Variants in CDH18 observed in about 807,000 individuals in gnomAD.
CDH18 encodes the protein cadherin 18, also known as cadherin-18.
CDH18 carries 31 observed loss-of-function variants against 67.9 expected under a neutral mutation model. That is an observed-to-expected ratio of 0.46 (90% CI 0.34 to 0.62). The LOEUF (loss-of-function observed/expected upper bound fraction) is 0.62. Among genes scored for constraint, CDH18 ranks in the 20% least tolerant of loss-of-function variants. The probability of loss-of-function intolerance (pLI) is 0.01; values close to 1 mark genes in which losing one functional copy is unlikely to be tolerated. For synonymous variants in CDH18, 362 were observed against 347.2 expected (o/e 1.04, Z -0.48); for missense variants, 890 against 975.5 (o/e 0.91, Z 1.17).
intron 2 of CDH18, among the ~76,000 whole-genome samples, chr5:19,894,461 G>A (rs1789090336): frequency 6.6e-6 from 1 of 151,794 alleles, no homozygotes; most frequent in South Asian, 2.1e-4. Context: ...AAGATCATAA[G>A]TCACTAGGAT....
At chr5:20,468,041 G>T (rs1458424216) in intron 1 of CDH18, among the ~76,000 whole-genome samples, 2 of 150,884 alleles carry the variant, frequency 1.3e-5, no homozygotes, top group African/African-American at 4.9e-5. Context: ...TTGAGACAGA[G>T]TCTAACTTTG....
intron 1 of CDH18, among the ~76,000 whole-genome samples, chr5:20,565,858 G>C (rs1758476029): frequency 1.3e-5 from 2 of 151,702 alleles, no homozygotes; most frequent in African/African-American, 4.8e-5. Context: ...GCTATATTCA[G>C]TTGTGCAAGC....
chr5:20,240,284 T>TTAGC (rs5866418), intron 2 of CDH18, among the ~76,000 whole-genome samples: 81,790 of 151,564 alleles, frequency 0.54, 22,112 homozygotes, highest in Middle Eastern at 0.66. Flanking sequence ...TAAAAAAAAG[T>TTAGC]TGGCAATTAG....
intron 2 of CDH18, among the ~76,000 whole-genome samples, chr5:19,892,762 C>G (rs1344453090): frequency 4.6e-5 from 7 of 152,104 alleles, no homozygotes; most frequent in African/African-American, 1.7e-4. Context: ...TGGGTGAGCT[C>G]ATTTTCTAGG....
chr5:20,282,753 C>T (rs879415101), intron 1 of CDH18, among the ~76,000 whole-genome samples: 6 of 152,084 alleles, frequency 3.9e-5, no homozygotes, highest in Non-Finnish European at 5.9e-5. Flanking sequence ...GGAGGATTCC[C>T]TCTTTGTCTA....
chr5:19,833,966 C>T (rs771687076), intron 3 of CDH18, among the ~76,000 whole-genome samples: 4 of 151,616 alleles, frequency 2.6e-5, no homozygotes, highest in Non-Finnish European at 3.0e-5. Flanking sequence ...TCAGGGATAT[C>T]GGCCTGAAGA....
intron 9 of CDH18, among the ~76,000 whole-genome samples, chr5:19,529,596 T>C (rs565138001): frequency 8.8e-4 from 134 of 151,958 alleles, no homozygotes; most frequent in Non-Finnish European, 1.5e-3. Context: ...CCATATAATA[T>C]ACAAAAAAAT....
intron 5 of CDH18, among the ~76,000 whole-genome samples, chr5:19,655,297 G>A (rs1369867008): frequency 1.3e-5 from 2 of 151,966 alleles, no homozygotes; most frequent in Non-Finnish European, 2.9e-5. Flanking sequence ...ATCTACTCAA[G>A]AAGAATTGCA....
chr5:20,073,470 G>A (rs931812894), intron 2 of CDH18, among the ~76,000 whole-genome samples: 2 of 152,030 alleles, frequency 1.3e-5, no homozygotes, highest in African/African-American at 2.4e-5. Context: ...TGTTGAATAA[G>A]GGAAATTTGG....
rs540514166 is a variant in CDH18 at position 19,919,996 on chromosome 5, G to T, written c.-257+61064C>A. ...TTCTATACTATAAAGGAAGACCAAG[G>T]CCTAATAAATTGCAAAATCTATATT... On this transcript the variant is annotated intron_variant, in intron 2 of 12. Transcript: ENST00000382275. Among the ~76,000 whole-genome samples the T allele has an allele frequency of 5.9e-5, 9 of 151,994 alleles. No homozygotes were observed. The South Asian group carries it at 8.3e-4, about 14-fold the overall frequency.
At chr5:20,198,930 T>TGA (rs1739216961) in intron 2 of CDH18, among the ~76,000 whole-genome samples, 1 of 152,238 alleles carries the variant, frequency 6.6e-6, no homozygotes, top group Non-Finnish European at 1.5e-5. Context: ...GTGTTGGTCC[T>TGA]GAGAGTGCAC....
intron 1 of CDH18, among the ~76,000 whole-genome samples, chr5:20,290,158 A>G (rs1406059794): frequency 6.6e-6 from 1 of 152,134 alleles, no homozygotes; most frequent in Non-Finnish European, 1.5e-5. Flanking sequence ...AGAAGCATCT[A>G]TGAGCTTGTT....
rs753511281 is a variant in CDH18 at position 19,520,709 on chromosome 5, T to G, written c.1460A>C (p.Glu487Ala). The G allele has an allele frequency of 8.1e-6, 13 of 1,613,556 alleles. No homozygotes were observed. In the South Asian group the frequency reaches 1.3e-4, roughly 16 times the overall value. ...RVLDVNDNPP[E>A]LAREYDIIVC... is the part of the protein sequence containing the mutation. ...AATAATATCATATTCCCTGGCAAGT[T>G]CGGGTGGATTGTCATTGACATCCAG... Residue 487 changes from glutamate (E) to alanine (A), a missense_variant, in exon 10 of 13, where the codon GAA becomes GCA. Glu to Ala is a moderately radical substitution (Grantham distance 107). This residue lies in a region of CDH18 where 656 missense variants were observed against 668.1 expected (regional missense o/e 0.98). Transcript: ENST00000382275.
intron 3 of CDH18, among the ~76,000 whole-genome samples, chr5:19,832,768 C>T (rs1219873136): frequency 6.6e-6 from 1 of 152,114 alleles, no homozygotes; most frequent in Non-Finnish European, 1.5e-5. Context: ...TTCCCAGCAT[C>T]ATTTACTGTA....
intron 2 of CDH18, among the ~76,000 whole-genome samples, chr5:20,199,507 C>CT (rs1234703449): frequency 6.6e-6 from 1 of 152,102 alleles, no homozygotes; most frequent in African/African-American, 2.4e-5. Context: ...AACTAACTTG[C>CT]TTTTGATTTT....
At chr5:19,731,357 A>G (rs943499246) in intron 4 of CDH18, among the ~76,000 whole-genome samples, 17 of 152,236 alleles carry the variant, frequency 1.1e-4, no homozygotes, top group African/African-American at 3.9e-4. Flanking sequence ...AGGCTGAGGC[A>G]GGAGAATGGC....
intron 5 of CDH18, among the ~76,000 whole-genome samples, chr5:19,712,463 AG>A (rs1764822356): frequency 6.6e-6 from 1 of 151,944 alleles, no homozygotes; most frequent in Non-Finnish European, 1.5e-5. Context: ...ATGTTTTAGG[AG>A]GAATGTAAAA....
intron 1 of CDH18, among the ~76,000 whole-genome samples, chr5:20,394,402 G>A (rs1027796046): frequency 6.6e-6 from 1 of 151,988 alleles, no homozygotes; most frequent in Non-Finnish European, 1.5e-5. Context: ...TGTGTATGGA[G>A]TTCTATCTCT....
chr5:20,173,146 G>A (rs1473078400), intron 2 of CDH18, among the ~76,000 whole-genome samples: 2 of 152,160 alleles, frequency 1.3e-5, no homozygotes, highest in Non-Finnish European at 2.9e-5. Context: ...TGATTAAAGT[G>A]TGGAACCCCC....
Sources: allele counts gnomAD v4.1 joint callset (sites outside exome capture counted in the v4.1 genomes callset), GRCh38; gene constraint gnomAD v4.1.1; regional missense constraint gnomAD v4.1.1; transcripts MANE v1.5; gene names NCBI Gene and HGNC (gene_info 2026-07-23, HGNC 2026-07-21).